Variants in ADAMTS3 observed in about 807,000 individuals in gnomAD.
ADAMTS3 encodes ADAM metallopeptidase with thrombospondin type 1 motif 3.
Under a neutral mutation model 129.0 loss-of-function variants are expected in ADAMTS3, and 73 were observed. The ratio of observed to expected loss-of-function variants is 0.57; its 90% CI spans 0.47 to 0.69. The LOEUF is 0.69. ADAMTS3 is among the 30% of genes least tolerant of loss of function. The pLI is 0.00. For missense variants in ADAMTS3, 1,457 were observed against 1,514.5 expected, an observed-to-expected ratio of 0.96 and a Z score of 0.63; for synonymous variants, 477 against 510.8, an observed-to-expected ratio of 0.93 and a Z score of 0.89.
At chr4:72,287,582 G>A (rs1718541100) in intron 21 of ADAMTS3, among the ~76,000 whole-genome samples, 1 of 151,972 alleles carries the variant, frequency 6.6e-6, no homozygotes, top group Non-Finnish European at 1.5e-5. Flanking sequence ...GGTACAGCCA[G>A]GGAGACTAGG....
intron 4 of ADAMTS3, among the ~76,000 whole-genome samples, chr4:72,390,558 C>T (rs1721566678): frequency 6.6e-6 from 1 of 152,126 alleles, no homozygotes; most frequent in African/African-American, 2.4e-5. Context: ...TTATCTCATA[C>T]TTTATGAAAA....
chr4:72,491,293 T>C (rs1006970211), intron 3 of ADAMTS3, among the ~76,000 whole-genome samples: 2 of 151,746 alleles, frequency 1.3e-5, no homozygotes, highest in Non-Finnish European at 3.0e-5. Context: ...CTTCTTTTTG[T>C]TTTTTTCTTT....
chr4:72,566,849 A>G (rs1722030958), intron 2 of ADAMTS3, among the ~76,000 whole-genome samples: 1 of 152,208 alleles, frequency 6.6e-6, no homozygotes, highest in African/African-American at 2.4e-5. Flanking sequence ...TATTAGCAAA[A>G]GGCCTAACAG....
At chr4:72,516,627 GCT>G (rs1425213646) in intron 3 of ADAMTS3, among the ~76,000 whole-genome samples, 1 of 151,962 alleles carries the variant, frequency 6.6e-6, no homozygotes, top group Admixed American at 6.6e-5. Flanking sequence ...TCATGATTTG[GCT>G]CTCTGCTAGT....
At chr4:72,417,331 G>C (rs923152145) in intron 3 of ADAMTS3, among the ~76,000 whole-genome samples, 2 of 152,210 alleles carry the variant, frequency 1.3e-5, no homozygotes, top group Non-Finnish European at 2.9e-5. Flanking sequence ...GCAGTCACTT[G>C]AAAGTGATAG....
At chr4:72,503,631 T>C (rs1720082659) in intron 3 of ADAMTS3, among the ~76,000 whole-genome samples, 1 of 152,226 alleles carries the variant, frequency 6.6e-6, no homozygotes, top group Admixed American at 6.5e-5. Flanking sequence ...GGTCAAGTGT[T>C]GAATTTAAGT....
intron 3 of ADAMTS3, among the ~76,000 whole-genome samples, chr4:72,502,145 G>C (rs1296131362): frequency 6.6e-6 from 1 of 152,082 alleles, no homozygotes; most frequent in East Asian, 1.9e-4. Flanking sequence ...AGTTAGGGAG[G>C]AGTTCCTCCT....
intron 15 of ADAMTS3, among the ~76,000 whole-genome samples, chr4:72,308,808 T>C (rs1489822930): frequency 6.6e-6 from 1 of 152,016 alleles, no homozygotes; most frequent in Non-Finnish European, 1.5e-5. Flanking sequence ...TTATTGACTA[T>C]GTAACAAGCA....
intron 19 of ADAMTS3, 99 bp from the exon 20 acceptor site, chr4:72,291,161 T>G: frequency 8.0e-7 from 1 of 1,252,916 alleles, no homozygotes; most frequent in Non-Finnish European, 1.1e-6. Flanking sequence ...CTAAGTGACT[T>G]GCAACCTAGT....
At chr4:72,517,452 A>C (rs1042889045) in intron 3 of ADAMTS3, among the ~76,000 whole-genome samples, 33 of 152,200 alleles carry the variant, frequency 2.2e-4, no homozygotes, top group African/African-American at 7.2e-4. Flanking sequence ...TTCGGCTGTG[A>C]ATCCATCTGG....
chr4:72,556,096 G>T (rs1721759223), intron 2 of ADAMTS3, among the ~76,000 whole-genome samples: 1 of 151,768 alleles, frequency 6.6e-6, no homozygotes, highest in Admixed American at 6.6e-5. Context: ...TGTGAGAACA[G>T]ACTAATACAT....
At chr4:72,480,233 GAC>G (rs1719392011) in intron 3 of ADAMTS3, among the ~76,000 whole-genome samples, 1 of 152,096 alleles carries the variant, frequency 6.6e-6, no homozygotes, top group Non-Finnish European at 1.5e-5. Context: ...CTGCTATAAA[GAC>G]ACATGCACAC....
At chr4:72,288,675 C>T in intron 21 of ADAMTS3, 76 bp downstream of exon 21, 2 of 932,994 alleles carry the variant, frequency 2.1e-6, no homozygotes, top group South Asian at 1.4e-5. Context: ...AATTCTATAA[C>T]TTCTCTCAAA....
At chr4:72,388,126 G>A (rs1320271446) in intron 4 of ADAMTS3, among the ~76,000 whole-genome samples, 1 of 152,154 alleles carries the variant, frequency 6.6e-6, no homozygotes, top group Non-Finnish European at 1.5e-5. Context: ...AACCATAAAT[G>A]CTGATGTGAC....
At chr4:72,544,099 A>T (rs952810471) in intron 3 of ADAMTS3, among the ~76,000 whole-genome samples, 5 of 152,102 alleles carry the variant, frequency 3.3e-5, no homozygotes, top group African/African-American at 9.6e-5. Context: ...ACTGACACCT[A>T]TTTAGGATGA....
At chr4:72,369,664 T>C (rs368996828) in intron 4 of ADAMTS3, among the ~76,000 whole-genome samples, 3 of 151,100 alleles carry the variant, frequency 2.0e-5, no homozygotes, top group East Asian at 3.9e-4. Flanking sequence ...TTAGCCAAGA[T>C]TGCACCACTG....
chr4:72,394,377 G>A lies in ADAMTS3; in HGVS notation c.661+20438C>T, dbSNP rs575339149. On this transcript the variant is annotated intron_variant, in intron 4 of 21. Transcript: ENST00000286657. ...GTCATGTGCTTTCACAAAGGGCCAA[G>A]AAAGGAGTCCCAAAGCTCGCCATGA... Among the ~76,000 whole-genome samples, 3 of 152,310 alleles carry A rather than the reference G, an allele frequency of 2.0e-5. No homozygotes were observed. In the South Asian group the frequency reaches 6.2e-4, roughly 32 times the overall value.
intron 21 of ADAMTS3, among the ~76,000 whole-genome samples, chr4:72,286,012 C>T (rs75337612): frequency 0.011 from 1,665 of 152,188 alleles, 34 homozygotes; most frequent in African/African-American, 0.034. Flanking sequence ...AACATGTGAC[C>T]GTTAGAACTC....
chr4:72,387,767 G>A (rs537893569), intron 4 of ADAMTS3, among the ~76,000 whole-genome samples: 1 of 152,178 alleles, frequency 6.6e-6, no homozygotes, highest in South Asian at 2.1e-4. Flanking sequence ...AAGTGGTGCT[G>A]GTCAAAAGAT....
Sources: allele counts gnomAD v4.1 joint callset (sites outside exome capture counted in the v4.1 genomes callset), GRCh38; gene constraint gnomAD v4.1.1; transcripts MANE v1.5; gene names NCBI Gene and HGNC (gene_info 2026-07-23, HGNC 2026-07-21).